MSH4: variants seen among roughly 807,000 people sequenced by gnomAD.
The protein encoded by MSH4 is mutS protein homolog 4.
MSH4 carries 106 observed loss-of-function variants against 113.7 expected under a neutral mutation model. The observed-to-expected ratio is 0.93, with a 90% CI of 0.80 to 1.10. The LOEUF is 1.10. Among genes scored for constraint, MSH4 ranks in the 50% least tolerant of loss-of-function variants. The pLI, the probability that MSH4 is intolerant of heterozygous loss-of-function variation, is 0.00. For missense variants in MSH4, 1,061 were observed against 1,093.7 expected (o/e 0.97, Z 0.42); for synonymous variants, 368 against 380.2 (o/e 0.97, Z 0.37).
intron 7 of MSH4, among the ~76,000 whole-genome samples, chr1:75,840,478 A>C (rs1239387322): frequency 1.5e-5 from 2 of 134,762 alleles, no homozygotes; most frequent in Non-Finnish European, 3.1e-5. Flanking sequence ...ATGAGAACAC[A>C]TGGACACAGG....
chr1:75,903,713 T>G (rs1652559558), intron 19 of MSH4, among the ~76,000 whole-genome samples: 1 of 152,132 alleles, frequency 6.6e-6, no homozygotes, highest in Non-Finnish European at 1.5e-5. Flanking sequence ...TTCTTGTATT[T>G]TTTTCAGTTT....
intron 19 of MSH4, among the ~76,000 whole-genome samples, chr1:75,903,281 G>C (rs1174623220): frequency 6.6e-6 from 1 of 151,820 alleles, no homozygotes; most frequent in Non-Finnish European, 1.5e-5. Flanking sequence ...ATTTTTCCCA[G>C]CACTATTTAT....
At chr1:75,881,397 T>C (rs1170916661) in intron 14 of MSH4, 27 bp downstream of exon 14, 2 of 1,601,498 alleles carry the variant, frequency 1.2e-6, no homozygotes, top group Non-Finnish European at 1.7e-6. Flanking sequence ...GGAATAAACA[T>C]ATTGCATAGT....
rs1455837088 is a variant in MSH4, at chr1:75,848,280, T to A, written c.1230+4T>A. ...CCAAATTCCAAAGCAAGACACGGTA[T>A]GTTTTTGTATACATTTTGTATTATA... On this transcript the variant is annotated splice_donor_region_variant and intron_variant, in intron 8 of 19. Coordinates refer to ENST00000263187, the MANE Select transcript of MSH4 (RefSeq NM_002440.4). The A allele has an allele frequency of 6.4e-7, 1 of 1,572,538 alleles. No homozygotes were observed.
At chr1:75,886,930 C>CTTAA (rs1652137835) in intron 15 of MSH4, among the ~76,000 whole-genome samples, 1 of 150,374 alleles carries the variant, frequency 6.7e-6, no homozygotes, top group African/African-American at 2.4e-5. Context: ...CTAAGTTCTG[C>CTTAA]TCTCTGAGGG....
At chr1:75,896,422 C>G (rs1470229156) in intron 17 of MSH4, among the ~76,000 whole-genome samples, 1 of 150,874 alleles carries the variant, frequency 6.6e-6, no homozygotes, top group Non-Finnish European at 1.5e-5. Flanking sequence ...CTGGAGAACC[C>G]CATCTAATAC....
intron 10 of MSH4, 73 bp from the exon 11 acceptor site, chr1:75,878,076 T>C (rs1375379706): frequency 1.7e-6 from 2 of 1,152,812 alleles, no homozygotes; most frequent in African/African-American, 1.6e-5. Flanking sequence ...TCATCAATTG[T>C]GATTCAAATT....
rs574431939 is a variant in MSH4 at position 75,896,846 on chromosome 1, A to T, written c.2356-1061A>T. On this transcript the variant is annotated intron_variant, in intron 17 of 19. Transcript: ENST00000263187. ...TAAGGACATTATTGTTATTGAATAT[A>T]GTCTCTACCTTTTAAATAGCTTACT... Among the ~76,000 whole-genome samples, 6 of 152,270 alleles carry T rather than the reference A, an allele frequency of 3.9e-5. No individual in the cohort carries two copies. The East Asian group carries it at 1.2e-3, about 29-fold the overall frequency.
At position 75,878,319 on chromosome 1, in the gene MSH4, G is replaced by T; in HGVS notation, c.1540+1G>T. 6.3e-7 allele frequency: 1 copy of T among 1,576,982 alleles called. No individual in the cohort carries two copies. The highest frequency in any genetic ancestry group is 8.6e-7 in the Non-Finnish European group (1 of 1,168,244). ...ACAGAGATTGTAGATGACATAGCAG[G>T]TAATTTCTTTATTTGATAATGTTTT... On this transcript the variant is annotated splice_donor_variant, in intron 11 of 19. Coordinates refer to ENST00000263187, the MANE Select transcript of MSH4 (RefSeq NM_002440.4). LOFTEE classifies it high-confidence loss of function.
chr1:75,893,987 G>C (rs1186965689), intron 17 of MSH4, among the ~76,000 whole-genome samples: 2 of 152,164 alleles, frequency 1.3e-5, no homozygotes, highest in Non-Finnish European at 2.9e-5. Flanking sequence ...TGGAATGTTA[G>C]AGTGGGTTTG....
chr1:75,843,257 C>T (rs1856791), intron 7 of MSH4, among the ~76,000 whole-genome samples: 42,373 of 152,012 alleles, frequency 0.28, 6,191 homozygotes, highest in Middle Eastern at 0.37. Context: ...TACCGGTCTC[C>T]GTGCATTGGT....
At chr1:75,846,289 C>G (rs1001075604) in intron 7 of MSH4, among the ~76,000 whole-genome samples, 1 of 152,222 alleles carries the variant, frequency 6.6e-6, no homozygotes, top group Non-Finnish European at 1.5e-5. Flanking sequence ...CCTTAGTATT[C>G]TCCCCCAAAC....
At chr1:75,816,885 C>T (rs950180709) in intron 6 of MSH4, among the ~76,000 whole-genome samples, 1 of 152,146 alleles carries the variant, frequency 6.6e-6, no homozygotes, top group Non-Finnish European at 1.5e-5. Flanking sequence ...CCTCAGCCTC[C>T]CAAAGTGCTG....
chr1:75,812,754 A>G (rs1241673364), intron 4 of MSH4, among the ~76,000 whole-genome samples: 2 of 152,154 alleles, frequency 1.3e-5, no homozygotes, highest in African/African-American at 4.8e-5. Flanking sequence ...TTAGGCTCCT[A>G]TTCTCCCACA....
intron 7 of MSH4, among the ~76,000 whole-genome samples, chr1:75,824,648 A>G (rs1356132482): frequency 2.0e-5 from 3 of 152,180 alleles, no homozygotes; most frequent in East Asian, 1.9e-4. Context: ...TAATTTTTGT[A>G]TAAGGTGTAA....
intron 2 of MSH4, among the ~76,000 whole-genome samples, chr1:75,804,499 C>CTTTTT (rs5775308): frequency 5.7e-5 from 7 of 123,264 alleles, no homozygotes; most frequent in Non-Finnish European, 6.8e-5. Flanking sequence ...TATGACCTTC[C>CTTTTT]TTTTTTTTTT....
At position 75,896,346 on chromosome 1, in the gene MSH4, A is replaced by AACACACACACAC. The variant is rs4035039; in HGVS notation, c.2356-1524_2356-1513dup. ...ATAATAAATCTCTTTACACACATAC[A>AACACACACACAC]ACACACACACACACACACACACACA... On this transcript the variant is annotated intron_variant, in intron 17 of 19. Transcript: ENST00000263187. Among the ~76,000 whole-genome samples the AACACACACACAC allele has an allele frequency of 1.7e-4, 23 of 137,166 alleles. 1 individual carries two copies. The highest frequency in any genetic ancestry group is 4.0e-4 in the African/African-American group (15 of 37,844). 90.0% of individuals were successfully genotyped at this position (137,166 alleles called of 152,430 possible).
intron 7 of MSH4, among the ~76,000 whole-genome samples, chr1:75,828,841 T>A: frequency 6.6e-6 from 1 of 152,086 alleles, no homozygotes; most frequent in African/African-American, 2.4e-5. Flanking sequence ...GGTTCCAAGA[T>A]GGCCAAATAG....
chr1:75,904,070 A>G (rs572787170), intron 19 of MSH4, among the ~76,000 whole-genome samples: 31 of 152,308 alleles, frequency 2.0e-4, no homozygotes, highest in African/African-American at 7.2e-4. Flanking sequence ...ACGTTTTGTC[A>G]TAAAGGAATG....
Sources: allele counts gnomAD v4.1 joint callset (sites outside exome capture counted in the v4.1 genomes callset), GRCh38; gene constraint gnomAD v4.1.1; transcripts MANE v1.5; gene names NCBI Gene and HGNC (gene_info 2026-07-23, HGNC 2026-07-21).